The following INO80 variants were observed in gnomAD, a reference collection of about 807,000 sequenced individuals.
INO80 encodes INO80 complex ATPase subunit, also known as chromatin-remodeling ATPase INO80.
INO80 carries 20 observed loss-of-function variants against 203.4 expected under a neutral mutation model. The ratio of observed to expected loss-of-function variants is 0.10; its 90% CI spans 0.07 to 0.14. The LOEUF (loss-of-function observed/expected upper bound fraction) is 0.14. INO80 is among the 10% of genes least tolerant of loss of function. The pLI is 1.00. For missense variants in INO80, 1,419 were observed against 1,914.4 expected, an observed-to-expected ratio of 0.74 and a Z score of 4.83; for synonymous variants, 726 against 685.2, an observed-to-expected ratio of 1.06 and a Z score of -0.93.
chr15:41,104,367 C>T (rs1361070737), intron 1 of INO80, among the ~76,000 whole-genome samples: 1 of 152,064 alleles, frequency 6.6e-6, no homozygotes, highest in Non-Finnish European at 1.5e-5. Context: ...GGCTCATTAT[C>T]CTGAATCCGA....
chr15:41,088,591 GGTAA>G (rs2045593617), intron 5 of INO80, among the ~76,000 whole-genome samples: 1 of 152,026 alleles, frequency 6.6e-6, no homozygotes, highest in African/African-American at 2.4e-5. Context: ...TCCAGGAAGT[GGTAA>G]GTAAATGCTT....
intron 25 of INO80, chr15:41,023,359 T>C (rs750821534): frequency 5.6e-5 from 25 of 449,800 alleles, no homozygotes; most frequent in Admixed American, 2.4e-5. Context: ...GCAAAATTAA[T>C]AGCAGCTATA....
chr15:41,094,724 T>C (rs566131763), intron 4 of INO80, among the ~76,000 whole-genome samples: 1 of 152,324 alleles, frequency 6.6e-6, no homozygotes, highest in East Asian at 1.9e-4. Context: ...TAAATTTTTG[T>C]ACTTCCTGTT....
At chr15:41,093,578 A>C (rs1196983256) in intron 4 of INO80, among the ~76,000 whole-genome samples, 1 of 152,032 alleles carries the variant, frequency 6.6e-6, no homozygotes, top group African/African-American at 2.4e-5. Context: ...AAAAGGGTGA[A>C]TTTGGCCAGG....
At chr15:41,081,555 C>G (rs1035090616) in intron 7 of INO80, among the ~76,000 whole-genome samples, 1 of 152,168 alleles carries the variant, frequency 6.6e-6, no homozygotes, top group Non-Finnish European at 1.5e-5. Context: ...GTTTCTGCCA[C>G]CACATAAGCC....
At chr15:40,998,016 CTTTTTTTTTTTTTT>C (rs10572892) in intron 28 of INO80, among the ~76,000 whole-genome samples, 5 of 75,178 alleles carry the variant, frequency 6.7e-5, no homozygotes, top group Non-Finnish European at 7.4e-5. Context: ...CCAAAACACT[CTTTTTTTTTTTTTT>C]TTTTTTTTTT....
At chr15:41,052,526 A>T (rs1051756532) in intron 19 of INO80, among the ~76,000 whole-genome samples, 1 of 151,884 alleles carries the variant, frequency 6.6e-6, no homozygotes, top group African/African-American at 2.4e-5. Context: ...ATGAAAAATT[A>T]GCCAGGTGTG....
In INO80 at chr15:40,980,270, G is replaced by A; in HGVS notation, c.4624C>T (p.Leu1542=). 1.2e-6 allele frequency: 2 copies of A among 1,613,574 alleles called. No homozygotes were observed. Among genetic ancestry groups the A allele is most frequent in the South Asian group, 1.1e-5 (1 of 91,042 alleles). The change falls in exon 36 of 36, where the codon CTG becomes TTG. Residue 1542 remains leucine (L), a synonymous_variant. Coordinates refer to ENST00000648947, the MANE Select transcript of INO80 (RefSeq NM_017553.3). ...GTGCCTTTGCCCTGTTTCCGGACCA[G>A]AGAGTCTGGGGCTAGGCTGCTGGTC... is the stretch of plus-strand genomic sequence containing the variant. ...HMTSSLAPDS[L]VRKQGKGTNP...
chr15:41,091,221 G>A (rs1383181737), intron 5 of INO80, among the ~76,000 whole-genome samples: 2 of 152,140 alleles, frequency 1.3e-5, no homozygotes, highest in African/African-American at 4.8e-5. Flanking sequence ...ACTGCGCCCA[G>A]CCAACTTTTT....
intron 35 of INO80, 29 bp from the exon 36 acceptor site, chr15:40,980,469 A>AAT: frequency 1.3e-6 from 2 of 1,554,214 alleles, no homozygotes; most frequent in Non-Finnish European, 1.8e-6. Context: ...ACAAGAACGT[A>AAT]AGCACCAGTC....
intron 9 of INO80, among the ~76,000 whole-genome samples, chr15:41,079,085 C>T (rs573547940): frequency 3.3e-5 from 5 of 152,098 alleles, no homozygotes; most frequent in South Asian, 2.1e-4. Context: ...GTTGCAGAGC[C>T]GAGATTACGC....
intron 5 of INO80, among the ~76,000 whole-genome samples, chr15:41,091,638 A>C (rs1031471389): frequency 1.3e-4 from 19 of 150,588 alleles, no homozygotes; most frequent in Non-Finnish European, 4.4e-5. Context: ...AGCTCCATAA[A>C]ATGATGTATC....
chr15:41,019,947 C>T (rs1401190494), intron 26 of INO80, among the ~76,000 whole-genome samples: 2 of 152,194 alleles, frequency 1.3e-5, no homozygotes, highest in Non-Finnish European at 2.9e-5. Flanking sequence ...GTTGGCCGGG[C>T]GCGGTGGCTC....
intron 23 of INO80, among the ~76,000 whole-genome samples, chr15:41,046,620 T>G (rs1404089474): frequency 6.6e-6 from 1 of 151,896 alleles, no homozygotes; most frequent in South Asian, 2.1e-4. Flanking sequence ...TCTTTTTGTT[T>G]GTTTTGTTCT....
At chr15:41,087,308 T>C (rs1246359606) in intron 6 of INO80, among the ~76,000 whole-genome samples, 3 of 152,190 alleles carry the variant, frequency 2.0e-5, no homozygotes. Context: ...ACAGCTCATA[T>C]GCAAATACTA....
intron 24 of INO80, among the ~76,000 whole-genome samples, chr15:41,037,588 A>G (rs2044599509): frequency 6.6e-6 from 1 of 152,146 alleles, no homozygotes; most frequent in Admixed American, 6.6e-5. Flanking sequence ...TGTGGCAGAG[A>G]AATAGCTTTC....
At chr15:41,044,709 T>C (rs1055013999) in intron 24 of INO80, among the ~76,000 whole-genome samples, 195 bp downstream of exon 24, 1 of 152,076 alleles carries the variant, frequency 6.6e-6, no homozygotes, top group Non-Finnish European at 1.5e-5. Context: ...AAAAAACATT[T>C]TGAAAATATA....
At chr15:41,070,590 C>A (rs757061875) in intron 12 of INO80, 43 bp from the exon 13 acceptor site, 2 of 1,485,916 alleles carry the variant, frequency 1.3e-6, no homozygotes, top group African/African-American at 1.4e-5. Flanking sequence ...TGCATTTCAT[C>A]AAATAAAGTT....
intron 1 of INO80, among the ~76,000 whole-genome samples, chr15:41,109,352 G>A (rs2928148): frequency 0.45 from 67,653 of 151,846 alleles, 17,008 homozygotes; most frequent in East Asian, 0.69. Context: ...TACTGGGGAG[G>A]CTGAGGCAGA....
Sources: allele counts gnomAD v4.1 joint callset (sites outside exome capture counted in the v4.1 genomes callset), GRCh38; gene constraint gnomAD v4.1.1; transcripts MANE v1.5; gene names NCBI Gene and HGNC (gene_info 2026-07-23, HGNC 2026-07-21).